Variants in MYOZ1 observed in about 807,000 individuals in gnomAD.
The protein encoded by MYOZ1 is myozenin 1, also known as myozenin-1.
Under a neutral mutation model 28.7 loss-of-function variants are expected in MYOZ1, and 20 were observed. The ratio of observed to expected loss-of-function variants is 0.70; its 90% CI spans 0.49 to 1.01. The LOEUF is 1.01. Among genes scored for constraint, MYOZ1 ranks in the 50% least tolerant of loss-of-function variants. The pLI, the probability that MYOZ1 is intolerant of heterozygous loss-of-function variation, is 0.00. For missense variants in MYOZ1, 371 were observed against 372.4 expected (o/e 1.00, Z 0.03); for synonymous variants, 144 against 145.8 (o/e 0.99, Z 0.09).
At chr10:73,639,904 C>G (rs1381286063) in intron 2 of MYOZ1, 41 bp downstream of exon 2, 1 of 1,590,448 alleles carries the variant, frequency 6.3e-7, no homozygotes, top group South Asian at 1.1e-5. Flanking sequence ...TAGGGATGCT[C>G]TTAAGAAGTC....
At chr10:73,632,929 C>A (rs2081643610) in intron 5 of MYOZ1, among the ~76,000 whole-genome samples, 1 of 152,214 alleles carries the variant, frequency 6.6e-6, no homozygotes, top group South Asian at 2.1e-4. Context: ...TAGCTCTTCC[C>A]TATCCTTTCA....
rs1325134906 is a variant in MYOZ1, at chr10:73,637,897, G to A, written c.99C>T (p.Asn33=). 1.9e-6 allele frequency: 3 copies of A among 1,613,802 alleles called. No homozygotes were observed. In the South Asian group the frequency reaches 3.3e-5, roughly 18 times the overall value. ...TGGGQESSGL[N]LGKKISVPRD... ...TTGGGACACTGATCTTTTTGCCCAG[G>A]TTCAAGCCTGAGCTCTCCTGTCCAC... The change falls in exon 3 of 6, where the codon AAC becomes AAT. Residue 33 remains asparagine (N), a synonymous_variant. Transcript: ENST00000359322.
chr10:73,633,940 C>T lies in MYOZ1; in HGVS notation c.628G>A (p.Gly210Arg), dbSNP rs141974799. The part of the protein sequence containing the change: ...MELGIDLLAY[G>R]AKAELPKYKS... ...TATTTGGGAAGTTCAGCTTTGGCCCCATAGGCCAGCAGGTCAATGCCAAGT... is the reference window on the plus strand; with the variant it reads ...TATTTGGGAAGTTCAGCTTTGGCCCTATAGGCCAGCAGGTCAATGCCAAGT... Residue 210 changes from glycine (G) to arginine (R), a missense_variant, in exon 5 of 6, where the codon GGG becomes AGG. By Grantham distance (125) the Gly-to-Arg change is moderately radical. Transcript: ENST00000359322. 3.1e-6 allele frequency: 5 copies of T among 1,613,672 alleles called. No individual in the cohort carries two copies. In the African/African-American group the frequency reaches 6.7e-5, roughly 22 times the overall value.
chr10:73,633,671 A>G (rs942658352), intron 5 of MYOZ1, among the ~76,000 whole-genome samples: 3 of 152,210 alleles, frequency 2.0e-5, no homozygotes, highest in Admixed American at 2.0e-4. Flanking sequence ...CTAATAAATG[A>G]CCATTGAGCT....
At chr10:73,635,574 C>T (rs976071383) in intron 3 of MYOZ1, among the ~76,000 whole-genome samples, 1 of 151,212 alleles carries the variant, frequency 6.6e-6, no homozygotes, top group Non-Finnish European at 1.5e-5. Flanking sequence ...TTCCTAGAGA[C>T]AGGGTTTGCC....
chr10:73,631,638 T>G lies in MYOZ1; in HGVS notation c.*292A>C. On this transcript the variant is annotated 3_prime_UTR_variant, in exon 6 of 6. Coordinates refer to ENST00000359322, the MANE Select transcript of MYOZ1 (RefSeq NM_021245.4). The stretch of plus-strand genomic sequence containing the variant: ...CTCGGCTTTCATCTGCTCTCAAATA[T>G]CAAAGGAAGAATGAGTTCATTTTCC... The G allele has an allele frequency of 2.6e-6, 1 of 378,784 alleles. No individual in the cohort carries two copies. Among genetic ancestry groups the G allele is most frequent in the Non-Finnish European group, 5.0e-6 (1 of 201,630 alleles). The allele number at this position is 378,784 out of a possible 1,614,324, so 23.5% of individuals were successfully genotyped here.
At chr10:73,640,180 ACT>A in intron 1 of MYOZ1, 145 bp from the exon 2 acceptor site, 1 of 586,862 alleles carries the variant, frequency 1.7e-6, no homozygotes. Context: ...ACAGGATCTC[ACT>A]CTGTCGCCCA....
At chr10:73,640,130 G>A in intron 1 of MYOZ1, 95 bp from the exon 2 acceptor site, 2 of 1,049,400 alleles carry the variant, frequency 1.9e-6, no homozygotes, top group Non-Finnish European at 2.8e-6. Context: ...TGGGTTTAAG[G>A]GCTTGAGGGG....
In MYOZ1 at chr10:73,631,673, A is replaced by C. The variant is rs2132403334; in HGVS notation, c.*257T>G. 1 of 448,214 alleles carries C rather than the reference A, an allele frequency of 2.2e-6. No homozygotes were observed. Among genetic ancestry groups the C allele is most frequent in the South Asian group, 2.8e-5 (1 of 35,592 alleles). 27.8% of individuals were successfully genotyped at this position (448,214 alleles called of 1,614,324 possible). A position where few individuals can be genotyped will look rare whatever the true frequency, so the allele number is the denominator to read the frequency against. The stretch of plus-strand genomic sequence containing the variant: ...AATGAGTTCATTTTCCTTGAAGTTT[A>C]TTGACTGTTACTGGTGGCAGAGCAA... On this transcript the variant is annotated 3_prime_UTR_variant, in exon 6 of 6. Transcript: ENST00000359322.
At chr10:73,638,616 G>A (rs1457829432) in intron 2 of MYOZ1, among the ~76,000 whole-genome samples, 2 of 150,146 alleles carry the variant, frequency 1.3e-5, no homozygotes, top group African/African-American at 2.5e-5. Context: ...TGACAGGCGT[G>A]AGCCGTGGCG....
chr10:73,638,968 T>C (rs1191325335), intron 2 of MYOZ1, among the ~76,000 whole-genome samples: 1 of 145,248 alleles, frequency 6.9e-6, no homozygotes, highest in East Asian at 2.0e-4. Flanking sequence ...GCCTGGACTT[T>C]TTTTTTTTTT....
Position 73,631,751 on chromosome 10 carries a change from T to G in MYOZ1, c.*179A>C. On this transcript the variant is annotated 3_prime_UTR_variant, in exon 6 of 6. Transcript: ENST00000359322. ...GAGCAAGTAGAAGGGGAGCTCTGAG[T>G]TGGTGAGGAAGGATGCGTGGAGTGG... The G allele has an allele frequency of 3.4e-6, 2 of 595,968 alleles. No individual in the cohort carries two copies. Among genetic ancestry groups the G allele is most frequent in the Non-Finnish European group, 5.9e-6 (2 of 338,780 alleles). 36.9% of individuals were successfully genotyped at this position (595,968 alleles called of 1,614,324 possible). A position where few individuals can be genotyped will look rare whatever the true frequency, so the allele number is the denominator to read the frequency against.
rs746341076 is a variant in MYOZ1 at position 73,634,007 on chromosome 10, T to TG, written c.560dup (p.Trp188MetfsTer8). ...GGTCAACCCCCATGGCTCGCTCCCA[T>TG]GGGGAAATATAGGTCTTGAACACAG... On this transcript the variant is annotated frameshift_variant, in exon 5 of 6. Transcript: ENST00000359322. LOFTEE classifies it high-confidence loss of function. 6.2e-7 allele frequency: 1 copy of TG among 1,614,044 alleles called. No homozygotes were observed. Among genetic ancestry groups the TG allele is most frequent in the South Asian group, 1.1e-5 (1 of 91,074 alleles).
At chr10:73,639,285 G>A (rs962534514) in intron 2 of MYOZ1, among the ~76,000 whole-genome samples, 5 of 151,974 alleles carry the variant, frequency 3.3e-5, no homozygotes, top group African/African-American at 1.2e-4. Context: ...ACTACACCTG[G>A]CTAATTTTTG....
At chr10:73,638,032 G>A in intron 2 of MYOZ1, 110 bp from the exon 3 acceptor site, 1 of 957,008 alleles carries the variant, frequency 1.0e-6, no homozygotes, top group Non-Finnish European at 1.6e-6. Flanking sequence ...TCCTGGCAGA[G>A]GTCATTTAGG....
In MYOZ1 at chr10:73,631,835, G is replaced by T; in HGVS notation, c.*95C>A. On this transcript the variant is annotated 3_prime_UTR_variant, in exon 6 of 6. Coordinates refer to ENST00000359322, the MANE Select transcript of MYOZ1 (RefSeq NM_021245.4). ...TCCTTTTTCCCTCCATTCCCATAAG[G>T]ATACTGGATTAACAATGGGGGCTAT... The T allele has an allele frequency of 9.3e-7, 1 of 1,080,758 alleles. No individual in the cohort carries two copies. Among genetic ancestry groups the T allele is most frequent in the Non-Finnish European group, 1.4e-6 (1 of 724,210 alleles). The allele number at this position is 1,080,758 out of a possible 1,614,324, so 66.9% of individuals were successfully genotyped here. A position where few individuals can be genotyped will look rare whatever the true frequency, so the allele number is the denominator to read the frequency against.
chr10:73,639,944 C>T lies in MYOZ1; in HGVS notation c.73+1G>A. ...ACTAGGGAGATGCAAACATGTCCTACCTCCAGTGAGTTCCATGATCAGCTT... is the reference window on the plus strand; with the variant it reads ...ACTAGGGAGATGCAAACATGTCCTATCTCCAGTGAGTTCCATGATCAGCTT... On this transcript the variant is annotated splice_donor_variant, in intron 2 of 5. Coordinates refer to ENST00000359322, the MANE Select transcript of MYOZ1 (RefSeq NM_021245.4). LOFTEE classifies it high-confidence loss of function. The T allele has an allele frequency of 1.2e-6, 2 of 1,613,870 alleles. No individual in the cohort carries two copies. Among genetic ancestry groups the T allele is most frequent in the Non-Finnish European group, 1.7e-6 (2 of 1,179,846 alleles).
At chr10:73,638,358 A>G (rs913297065) in intron 2 of MYOZ1, among the ~76,000 whole-genome samples, 2 of 150,524 alleles carry the variant, frequency 1.3e-5, no homozygotes, top group African/African-American at 4.9e-5. Flanking sequence ...TTTGAGACAG[A>G]GTCCTGCTCT....
chr10:73,634,099 A>C, intron 4 of MYOZ1, 34 bp from the exon 5 acceptor site: 1 of 1,613,394 alleles, frequency 6.2e-7, no homozygotes, highest in Non-Finnish European at 8.5e-7. Context: ...TCAGTCAAAT[A>C]ATAGCATTTA....
Sources: gnomAD v4.1 joint callset for allele counts (sites outside exome capture counted in the v4.1 genomes callset) on GRCh38, gnomAD v4.1.1 for gene constraint, MANE v1.5 for transcripts, NCBI Gene and HGNC (gene_info 2026-07-23, HGNC 2026-07-21) for gene names.